Variants in ARHGEF40 observed in about 807,000 individuals in gnomAD.
ARHGEF40 encodes the protein Rho guanine nucleotide exchange factor 40.
In ARHGEF40, 98 loss-of-function variants were observed where a neutral mutation model predicts 165.9. The observed-to-expected ratio is 0.59, with a 90% CI of 0.50 to 0.70. The LOEUF (loss-of-function observed/expected upper bound fraction) is 0.70. Among genes scored for constraint, ARHGEF40 ranks in the 30% least tolerant of loss-of-function variants. The pLI, the probability that ARHGEF40 is intolerant of heterozygous loss-of-function variation, is 0.00. For synonymous variants in ARHGEF40, 792 were observed against 814.3 expected (o/e 0.97, Z 0.47); for missense variants, 1,815 against 1,968.0 (o/e 0.92, Z 1.47).
At position 21,081,517 on chromosome 14, in the gene ARHGEF40, A is replaced by G; in HGVS notation, c.2649A>G (p.Glu883=). The part of the protein sequence containing the change: ...RLQRFFQQAH[E]WVDEGFARLA... ...CCCCTTTGACTTCGTAGGCACATGA[A>G]TGGGTGGATGAGGGCTTTGCTCGGC... is the stretch of plus-strand genomic sequence containing the variant. Residue 883 remains glutamate, a synonymous_variant, in exon 14 of 24, where the codon GAA becomes GAG. Coordinates refer to ENST00000298694, the MANE Select transcript of ARHGEF40 (RefSeq NM_018071.5). 6.2e-7 allele frequency: 1 copy of G among 1,612,964 alleles called. No homozygotes were observed. Among genetic ancestry groups the G allele is most frequent in the Non-Finnish European group, 8.5e-7 (1 of 1,179,884 alleles).
rs765330515 is a variant in ARHGEF40, at chr14:21,081,979, C to T, written c.3111C>T (p.Ile1037=). The T allele has an allele frequency of 8.2e-6, 13 of 1,591,780 alleles. No homozygotes were observed. In the African/African-American group the frequency reaches 1.6e-4, roughly 20 times the overall value. ...AEGRPPRAVL[I]RGLEVTSTEV... ...GCAGGCCCCCAAGAGCTGTGCTGATCCGAGGCCTGGAGGTCACCAGCACTG... is the reference window on the plus strand; with the variant it reads ...GCAGGCCCCCAAGAGCTGTGCTGATTCGAGGCCTGGAGGTCACCAGCACTG... The change falls in exon 14 of 24, where the codon ATC becomes ATT. Residue 1037 remains isoleucine (I), a synonymous_variant. Transcript: ENST00000298694.
chr14:21,087,479 A>G lies in ARHGEF40; in HGVS notation c.4387+16A>G. 6.3e-7 allele frequency: 1 copy of G among 1,599,890 alleles called. No homozygotes were observed. Among genetic ancestry groups the G allele is most frequent in the Non-Finnish European group, 8.5e-7 (1 of 1,179,466 alleles). Reference sequence around the variant, plus strand: ...ATTTCCCTGGGTGAGGCACCTCTCAAGGGGTGGCTCCCAACAGCTCGGTCA... The same window carrying G: ...ATTTCCCTGGGTGAGGCACCTCTCAGGGGGTGGCTCCCAACAGCTCGGTCA... On this transcript the variant is annotated intron_variant, in intron 21 of 23. Transcript: ENST00000298694.
intron 1 of ARHGEF40, among the ~76,000 whole-genome samples, chr14:21,071,134 G>C (rs1886798085): frequency 1.3e-5 from 2 of 152,282 alleles, no homozygotes; most frequent in East Asian, 3.9e-4. Flanking sequence ...AGAGGGGAGG[G>C]AACACGAGCC....
At chr14:21,061,682 C>T in the ARHGEF40 span, among the ~76,000 whole-genome samples, 1 of 152,064 alleles carries the variant, frequency 6.6e-6, no homozygotes, top group Non-Finnish European at 1.5e-5. Flanking sequence ...GTTCTAACAT[C>T]CAGAAAATTT....
rs747687633 is a variant in ARHGEF40 at position 21,075,134 on chromosome 14, G to A, written c.1404G>A (p.Gly468=). The A allele has an allele frequency of 1.2e-6, 2 of 1,612,130 alleles. No individual in the cohort carries two copies. Among genetic ancestry groups the A allele is most frequent in the East Asian group, 4.5e-5 (2 of 44,876 alleles). The change falls in exon 3 of 24, where the codon GGG becomes GGA. Residue 468 remains glycine (G), a synonymous_variant. Coordinates refer to ENST00000298694, the MANE Select transcript of ARHGEF40 (RefSeq NM_018071.5). The surrounding 1 kb of genome is among the most constrained non-coding windows in gnomAD (Gnocchi z 4.5). Reference sequence around the variant, plus strand: ...AAGCCTGTGGGCCTACAGAAGAGGGGGCCGGAGAGAGAGAGCTGGAGGGGC... The same window carrying A: ...AAGCCTGTGGGCCTACAGAAGAGGGAGCCGGAGAGAGAGAGCTGGAGGGGC... ...LSEACGPTEE[G]AGERELEGPG... is the part of the protein sequence containing the mutation.
Position 21,073,836 on chromosome 14 carries a change from A to C in ARHGEF40, c.202-96A>C. On this transcript the variant is annotated intron_variant, in intron 2 of 23. Coordinates refer to ENST00000298694, the MANE Select transcript of ARHGEF40 (RefSeq NM_018071.5). This position sits in a 1 kb window ranked among gnomAD's most constrained non-coding sequence, Gnocchi z 4.6. Reference sequence around the variant, plus strand: ...CTGAGAGTATAACCTTCCAGGCATAAGGCTGGTCCTGCCTAGGGTGGGCCC... The same window carrying C: ...CTGAGAGTATAACCTTCCAGGCATACGGCTGGTCCTGCCTAGGGTGGGCCC... 1 of 1,392,556 alleles carries C rather than the reference A, an allele frequency of 7.2e-7. No individual in the cohort carries two copies. Among genetic ancestry groups the C allele is most frequent in the East Asian group, 2.3e-5 (1 of 43,650 alleles). 86.3% of individuals were successfully genotyped at this position (1,392,556 alleles called of 1,614,324 possible).
the ARHGEF40 span, among the ~76,000 whole-genome samples, chr14:21,064,196 A>G: frequency 1.3e-5 from 2 of 152,232 alleles, no homozygotes; most frequent in Non-Finnish European, 2.9e-5. Flanking sequence ...ATTTCTACAA[A>G]TCTTTTTATA....
upstream of ARHGEF40, chr14:21,070,260 G>T (rs918763779): frequency 4.2e-6 from 4 of 961,926 alleles, no homozygotes; most frequent in Admixed American, 4.7e-5. This position sits in a 1 kb window ranked among gnomAD's most constrained non-coding sequence, Gnocchi z 4.7. Flanking sequence ...CCTGGAAGCC[G>T]GAGCGGGCCG....
chr14:21,083,897 T>C lies in ARHGEF40; in HGVS notation c.3636T>C (p.Thr1212=). 1 of 1,614,026 alleles carries C rather than the reference T, an allele frequency of 6.2e-7. No individual in the cohort carries two copies. Among genetic ancestry groups the C allele is most frequent in the South Asian group, 1.1e-5 (1 of 91,080 alleles). The change falls in exon 17 of 24, where the codon ACT becomes ACC. Residue 1212 remains threonine (T), a synonymous_variant. Transcript: ENST00000298694. The stretch of plus-strand genomic sequence containing the variant: ...TGCAGCAGCCTCTGGAACAGCTGAC[T>C]CGGTATGGGCGGCTCCTGGAGGAGC... The part of the protein sequence containing the change: ...RALQQPLEQL[T]RYGRLLEELL...
At chr14:21,080,207 C>T (rs1478390204) in intron 11 of ARHGEF40, among the ~76,000 whole-genome samples, 4 of 10,692 alleles carry the variant, frequency 3.7e-4, no homozygotes, top group African/African-American at 7.2e-4. Context: ...CGGACACACA[C>T]ACACACACAC....
intron 8 of ARHGEF40, 79 bp from the exon 9 acceptor site, chr14:21,078,098 G>A (rs974086604): frequency 2.8e-5 from 37 of 1,315,812 alleles, no homozygotes; most frequent in Non-Finnish European, 3.7e-5. Context: ...AGTCTCTGGG[G>A]CTACCGCACC....
chr14:21,061,547 C>T, the ARHGEF40 span, among the ~76,000 whole-genome samples: 1,107 of 152,174 alleles, frequency 7.3e-3, 12 homozygotes, highest in African/African-American at 0.025. Context: ...TGCCCAATAG[C>T]CTTGGGACCG....
At position 21,070,350 on chromosome 14, in the gene ARHGEF40, G is replaced by A; in HGVS notation, c.-47G>A. 2.1e-6 allele frequency: 3 copies of A among 1,405,550 alleles called. No homozygotes were observed. Among genetic ancestry groups the A allele is most frequent in the South Asian group, 1.5e-5 (1 of 66,346 alleles). 87.1% of individuals were successfully genotyped at this position (1,405,550 alleles called of 1,614,324 possible). ...GCGGGAGGGAGGCGGTGGCGCGCCC[G>A]GCCCCGCCCGCCCGACCAAGCGTCG... On this transcript the variant is annotated 5_prime_UTR_variant, in exon 1 of 24. Coordinates refer to ENST00000298694, the MANE Select transcript of ARHGEF40 (RefSeq NM_018071.5). This position sits in a 1 kb window ranked among gnomAD's most constrained non-coding sequence, Gnocchi z 4.7.
At position 21,074,107 on chromosome 14, in the gene ARHGEF40, C is replaced by A. The variant is rs1474873622; in HGVS notation, c.377C>A (p.Pro126His). 1 of 1,614,118 alleles carries A rather than the reference C, an allele frequency of 6.2e-7. No individual in the cohort carries two copies. Among genetic ancestry groups the A allele is most frequent in the Non-Finnish European group, 8.5e-7 (1 of 1,180,012 alleles). Residue 126 changes from proline (P) to histidine (H), a missense_variant, in exon 3 of 24, where the codon CCT becomes CAT. Pro to His is a moderately conservative substitution (Grantham distance 77). Transcript: ENST00000298694. The surrounding 1 kb of genome is among the most constrained non-coding windows in gnomAD (Gnocchi z 4.8). The part of the protein sequence containing the change: ...APRLALKCLA[P>H]GGGRVQEVPV... Reference sequence around the variant, plus strand: ...CGACTAGCACTCAAGTGTCTGGCCCCTGGGGGTGGGCGGGTGCAGGAGGTT... The same window carrying A: ...CGACTAGCACTCAAGTGTCTGGCCCATGGGGGTGGGCGGGTGCAGGAGGTT...
At position 21,085,768 on chromosome 14, in the gene ARHGEF40, G is replaced by A. The variant is rs747491677; in HGVS notation, c.4040G>A (p.Arg1347Gln). 2.5e-5 allele frequency: 41 copies of A among 1,614,168 alleles called. No homozygotes were observed. Among genetic ancestry groups the A allele is most frequent in the Admixed American group, 5.0e-5 (3 of 60,022 alleles). The change falls in exon 19 of 24, where the codon CGA becomes CAA. Residue 1347 changes from arginine to glutamine, a missense_variant. Coordinates refer to ENST00000298694, the MANE Select transcript of ARHGEF40 (RefSeq NM_018071.5). ...FELWFRRRRAREAYTLQATSP... is the reference protein window; with the variant it reads ...FELWFRRRRAQEAYTLQATSP... ...TTGTGGTTTCGGCGGCGGCGTGCAC[G>A]AGAGGCATACACTCTGCAGGCAACC...
chr14:21,073,223 A>G lies in ARHGEF40; in HGVS notation c.182A>G (p.Lys61Arg), dbSNP rs116671372. The G allele has an allele frequency of 9.2e-5, 149 of 1,611,416 alleles. No homozygotes were observed. The African/African-American group carries it at 1.7e-3, about 19-fold the overall frequency. The change falls in exon 2 of 24, where the codon AAG (lysine) becomes AGG (arginine). Residue 61 changes from lysine (K) to arginine (R), a missense_variant. By Grantham distance (26) the Lys-to-Arg change is conservative (BLOSUM62 2). Coordinates refer to ENST00000298694, the MANE Select transcript of ARHGEF40 (RefSeq NM_018071.5). This position sits in a 1 kb window ranked among gnomAD's most constrained non-coding sequence, Gnocchi z 4.6. ...FLVPAKHLLA[K>R]VQQEACAQYS... ...GTACCAGCCAAGCACCTGCTTGCCA[A>G]GGTCCAGCAGGAAGCCTGTGTGAGT...
Position 21,075,473 on chromosome 14 carries a change from T to A in ARHGEF40, c.1592T>A (p.Met531Lys). ...CACCCTGATGTAGCTTGGGACTTGATGGCATCTGGATTCCTCATCCTGACG... is the reference window on the plus strand; with the variant it reads ...CACCCTGATGTAGCTTGGGACTTGAAGGCATCTGGATTCCTCATCCTGACG... ...SDHPDVAWDL[M>K]ASGFLILTGG... The change falls in exon 4 of 24, where the codon ATG (methionine) becomes AAG (lysine). Residue 531 changes from methionine to lysine, a missense_variant. By Grantham distance (95) the Met-to-Lys change is moderately conservative. Coordinates refer to ENST00000298694, the MANE Select transcript of ARHGEF40 (RefSeq NM_018071.5). The surrounding 1 kb of genome is among the most constrained non-coding windows in gnomAD (Gnocchi z 4.5). 1 of 1,614,150 alleles carries A rather than the reference T, an allele frequency of 6.2e-7. No individual in the cohort carries two copies. The highest frequency in any genetic ancestry group is 8.5e-7 in the Non-Finnish European group (1 of 1,180,016).
At position 21,079,018 on chromosome 14, in the gene ARHGEF40, A is replaced by G. The variant is rs1391324953; in HGVS notation, c.2373+8A>G. 6.2e-7 allele frequency: 1 copy of G among 1,610,516 alleles called. No individual in the cohort carries two copies. Among genetic ancestry groups the G allele is most frequent in the Non-Finnish European group, 8.5e-7 (1 of 1,178,186 alleles). On this transcript the variant is annotated splice_region_variant and intron_variant, in intron 11 of 23. Coordinates refer to ENST00000298694, the MANE Select transcript of ARHGEF40 (RefSeq NM_018071.5). Reference sequence around the variant, plus strand: ...CTGCGGCGACTCCAGCAGGTGAGCCAGGATCCCCACGTCCCTCTTACTCAG... The same window carrying G: ...CTGCGGCGACTCCAGCAGGTGAGCCGGGATCCCCACGTCCCTCTTACTCAG...
At chr14:21,068,318 GA>G (rs34795666), upstream of ARHGEF40, among the ~76,000 whole-genome samples, 5,045 of 97,302 alleles carry the variant, frequency 0.052, 402 homozygotes, top group African/African-American at 0.068. Context: ...TTTTCTCCAT[GA>G]AAAAAAAAAA....
Sources: allele counts gnomAD v4.1 joint callset (sites outside exome capture counted in the v4.1 genomes callset), GRCh38; gene constraint gnomAD v4.1.1; non-coding constraint Gnocchi (gnomAD v3.1); transcripts MANE v1.5; gene names NCBI Gene and HGNC (gene_info 2026-07-23, HGNC 2026-07-21).